Variants in B4GALT6 observed in about 807,000 individuals in gnomAD.
B4GALT6 encodes beta-1,4-galactosyltransferase 6, also known as UDP-Gal:beta-GlcNAc beta-1,4-galactosyltransferase 6.
A neutral mutation model predicts 46.3 loss-of-function variants in B4GALT6; 14 were observed. The observed-to-expected ratio is 0.30, with a 90% CI of 0.20 to 0.47. B4GALT6 has a LOEUF of 0.47. B4GALT6 is among the 20% of genes least tolerant of loss of function. The pLI is 0.99. For synonymous variants in B4GALT6, 168 were observed against 162.0 expected (o/e 1.04, Z -0.28); for missense variants, 386 against 480.1 (o/e 0.80, Z 1.83).
At chr18:31,633,483 G>A (rs1329603202) in intron 5 of B4GALT6, among the ~76,000 whole-genome samples, 2 of 152,198 alleles carry the variant, frequency 1.3e-5, no homozygotes, top group East Asian at 3.9e-4. Context: ...TGGTCTTCAA[G>A]TGTTATCAGA....
chr18:31,694,496 G>C, the B4GALT6 span, among the ~76,000 whole-genome samples: 1 of 152,224 alleles, frequency 6.6e-6, no homozygotes, highest in Admixed American at 6.5e-5. Context: ...AAGAACAATC[G>C]CTCAGAGTCT....
rs77424927 is a variant in B4GALT6 at position 31,676,563 on chromosome 18, T to C, written c.115+7749A>G. Among the ~76,000 whole-genome samples the C allele has an allele frequency of 3.0e-4, 46 of 152,274 alleles. No homozygotes were observed. The East Asian group carries it at 4.8e-3, about 16-fold the overall frequency. ...ACATGATCCTGGTTGGTATGAATAA[T>C]GTATCCGTCCATTTCTCTTCTGAAG... On this transcript the variant is annotated intron_variant, in intron 1 of 8. Coordinates refer to ENST00000306851, the MANE Select transcript of B4GALT6 (RefSeq NM_004775.5).
chr18:31,655,916 A>G lies in B4GALT6; in HGVS notation c.346+2060T>C, dbSNP rs189947275. Among the ~76,000 whole-genome samples, 610 of 152,216 alleles carry G rather than the reference A, an allele frequency of 4.0e-3. 1 individual carries two copies. Among genetic ancestry groups the G allele is most frequent in the Non-Finnish European group, 6.6e-3 (449 of 68,012 alleles). ...CACCTGAGAATTTTTTTTTTCTTAA[A>G]TACCAGGGACCAGGCCCACTACTCT... On this transcript the variant is annotated intron_variant, in intron 3 of 8. Coordinates refer to ENST00000306851, the MANE Select transcript of B4GALT6 (RefSeq NM_004775.5).
intron 3 of B4GALT6, among the ~76,000 whole-genome samples, chr18:31,650,736 G>T (rs913766784): frequency 6.6e-6 from 1 of 152,192 alleles, no homozygotes; most frequent in Non-Finnish European, 1.5e-5. Context: ...GCAGTCTAGG[G>T]TTTAGCTCAG....
intron 2 of B4GALT6, among the ~76,000 whole-genome samples, chr18:31,659,053 G>T (rs72922998): frequency 3.9e-5 from 6 of 152,142 alleles, no homozygotes; most frequent in African/African-American, 1.4e-4. Context: ...GCTGGCCTAA[G>T]AGAATGACAT....
intron 3 of B4GALT6, among the ~76,000 whole-genome samples, chr18:31,648,747 C>A (rs2074023100): frequency 6.6e-6 from 1 of 152,130 alleles, no homozygotes. Flanking sequence ...CTTAAAATAA[C>A]AAATATTCAA....
At chr18:31,672,589 T>C (rs1300228590) in intron 1 of B4GALT6, among the ~76,000 whole-genome samples, 1 of 152,188 alleles carries the variant, frequency 6.6e-6, no homozygotes, top group Non-Finnish European at 1.5e-5. Context: ...ATGCTGCAGA[T>C]GCTAAGGAGA....
chr18:31,633,474 G>A (rs577447994), intron 5 of B4GALT6, among the ~76,000 whole-genome samples: 2 of 152,126 alleles, frequency 1.3e-5, no homozygotes, highest in African/African-American at 4.8e-5. Context: ...ATGGAGAACT[G>A]GTCTTCAAGT....
At chr18:31,637,010 G>A (rs192929893) in intron 5 of B4GALT6, among the ~76,000 whole-genome samples, 17 of 151,792 alleles carry the variant, frequency 1.1e-4, no homozygotes, top group Admixed American at 5.9e-4. Flanking sequence ...TAGTAGAGAC[G>A]AGGTTTCACC....
chr18:31,646,481 G>A (rs4799311), intron 3 of B4GALT6, among the ~76,000 whole-genome samples: 55,901 of 152,142 alleles, frequency 0.37, 10,407 homozygotes, highest in Middle Eastern at 0.49. Flanking sequence ...AGAACAGGAT[G>A]TAAAAGGCTA....
At chr18:31,668,972 C>T (rs933781465) in intron 1 of B4GALT6, among the ~76,000 whole-genome samples, 6 of 151,046 alleles carry the variant, frequency 4.0e-5, no homozygotes, top group Non-Finnish European at 7.4e-5. Context: ...GCCAGGACTG[C>T]GCCACTGCAC....
intron 5 of B4GALT6, among the ~76,000 whole-genome samples, chr18:31,638,077 T>A (rs993234360): frequency 2.0e-5 from 3 of 152,208 alleles, no homozygotes; most frequent in Non-Finnish European, 2.9e-5. Context: ...TTAAAAACCA[T>A]AGATTGACAA....
At chr18:31,719,538 T>G in the B4GALT6 span, among the ~76,000 whole-genome samples, 1 of 152,192 alleles carries the variant, frequency 6.6e-6, no homozygotes, top group Non-Finnish European at 1.5e-5. Flanking sequence ...TCTGTTCACC[T>G]TGCCCGCTGC....
At chr18:31,697,835 T>C in the B4GALT6 span, among the ~76,000 whole-genome samples, 4 of 152,236 alleles carry the variant, frequency 2.6e-5, no homozygotes, top group Non-Finnish European at 4.4e-5. Flanking sequence ...ATTTGTCTTA[T>C]GGTATCTATG....
At chr18:31,630,867 T>C in intron 6 of B4GALT6, 92 bp downstream of exon 6, 2 of 1,369,768 alleles carry the variant, frequency 1.5e-6, no homozygotes, top group Non-Finnish European at 2.0e-6. Flanking sequence ...TCTTGAGTTC[T>C]CTCAGATTTA....
chr18:31,658,163 C>T lies in B4GALT6; in HGVS notation c.233-74G>A. On this transcript the variant is annotated intron_variant, in intron 2 of 8. Coordinates refer to ENST00000306851, the MANE Select transcript of B4GALT6 (RefSeq NM_004775.5). ...TTTCTCCCTGGAATGAAATACGTCA[C>T]TATCACTGGGAGAAAACTACAATAT... The T allele has an allele frequency of 1.9e-6, 2 of 1,049,628 alleles. 1 individual carries two copies. 65.0% of individuals were successfully genotyped at this position (1,049,628 alleles called of 1,614,324 possible). A position where few individuals can be genotyped will look rare whatever the true frequency, so the allele number is the denominator to read the frequency against.
chr18:31,630,914 G>A (rs764783684), intron 6 of B4GALT6, 45 bp downstream of exon 6: 98 of 1,590,748 alleles, frequency 6.2e-5, no homozygotes, highest in Non-Finnish European at 8.2e-5. Flanking sequence ...TGCTATGACT[G>A]TGCAATTATA....
chr18:31,682,561 A>G (rs1343786112), intron 1 of B4GALT6, among the ~76,000 whole-genome samples: 1 of 152,244 alleles, frequency 6.6e-6, no homozygotes, highest in African/African-American at 2.4e-5. Flanking sequence ...TTAGTGTTTC[A>G]CACAAGTTGA....
Position 31,623,562 on chromosome 18 carries a change from T to C in B4GALT6, c.*2052A>G, listed in dbSNP as rs1007252889. On this transcript the variant is annotated 3_prime_UTR_variant, in exon 9 of 9. Transcript: ENST00000306851. ...CAAATGTTAACATTCTCAATCTCTT[T>C]CATTGACTTTAAAAACTATGTAATA... 2.6e-5 allele frequency: 4 copies of C among 152,396 alleles called. No individual in the cohort carries two copies. Among genetic ancestry groups the C allele is most frequent in the Admixed American group, 6.6e-5 (1 of 15,262 alleles). 9.4% of individuals were successfully genotyped at this position (152,396 alleles called of 1,614,324 possible).
Sources: allele counts gnomAD v4.1 joint callset (sites outside exome capture counted in the v4.1 genomes callset), GRCh38; gene constraint gnomAD v4.1.1; transcripts MANE v1.5; gene names NCBI Gene and HGNC (gene_info 2026-07-23, HGNC 2026-07-21).